Variants in LRFN2 observed in about 807,000 individuals in gnomAD.
LRFN2 encodes leucine-rich repeat and fibronectin type-III domain-containing protein 2.
Under a neutral mutation model 37.3 loss-of-function variants are expected in LRFN2, and 18 were observed. The ratio of observed to expected loss-of-function variants is 0.48; its 90% CI spans 0.33 to 0.72. LRFN2 has a LOEUF of 0.72. LRFN2 is among the 30% of genes least tolerant of loss of function. The pLI, the probability that LRFN2 is intolerant of heterozygous loss-of-function variation, is 0.02. For missense variants in LRFN2, 1,006 were observed against 1,060.7 expected (o/e 0.95, Z 0.72); for synonymous variants, 556 against 466.6 (o/e 1.19, Z -2.47).
intron 1 of LRFN2, 117 bp from the exon 2 acceptor site, chr6:40,433,248 G>A: frequency 1.3e-6 from 1 of 759,826 alleles, no homozygotes; most frequent in Non-Finnish European, 2.0e-6. Flanking sequence ...AATGGCAAGT[G>A]CTCAAGCAAG....
At chr6:40,444,264 A>AGGGAAAGAAGGGGGAAAAG (rs1404349602) in intron 1 of LRFN2, among the ~76,000 whole-genome samples, 11 of 152,230 alleles carry the variant, frequency 7.2e-5, no homozygotes, top group Non-Finnish European at 1.3e-4. Flanking sequence ...AAAACGAAGA[A>AGGGAAAGAAGGGGGAAAAG]GGGAAAGAAG....
chr6:40,410,913 A>G (rs530752521), intron 2 of LRFN2, among the ~76,000 whole-genome samples: 2 of 152,320 alleles, frequency 1.3e-5, no homozygotes, highest in African/African-American at 4.8e-5. Context: ...TAAAAGCAGC[A>G]GTGTAATTAT....
chr6:40,467,518 C>T (rs1025146605), intron 1 of LRFN2, among the ~76,000 whole-genome samples: 2 of 152,150 alleles, frequency 1.3e-5, no homozygotes, highest in African/African-American at 4.8e-5. Context: ...CTGAGGGACA[C>T]AGTTAGTGAC....
At chr6:40,566,435 G>A (rs1354942573) in intron 1 of LRFN2, among the ~76,000 whole-genome samples, 2 of 152,116 alleles carry the variant, frequency 1.3e-5, no homozygotes, top group Non-Finnish European at 2.9e-5. Context: ...ACATGCACAC[G>A]TATGTTTATT....
chr6:40,405,632 T>C (rs554073429), intron 2 of LRFN2, among the ~76,000 whole-genome samples: 34 of 152,218 alleles, frequency 2.2e-4, no homozygotes, highest in Non-Finnish European at 4.9e-4. Flanking sequence ...TCATGCAGGC[T>C]AGAAACTAGG....
At chr6:40,428,426 C>T (rs1410557418) in intron 2 of LRFN2, among the ~76,000 whole-genome samples, 1 of 152,214 alleles carries the variant, frequency 6.6e-6, no homozygotes, top group Non-Finnish European at 1.5e-5. Context: ...TATATACCTT[C>T]CTGTTAAAAT....
chr6:40,404,158 T>C (rs1278665254), intron 2 of LRFN2, among the ~76,000 whole-genome samples: 2 of 152,212 alleles, frequency 1.3e-5, no homozygotes, highest in Non-Finnish European at 2.9e-5. Context: ...ACTCCATTTT[T>C]CCCCAATGCA....
intron 1 of LRFN2, among the ~76,000 whole-genome samples, chr6:40,577,786 A>G (rs1299500016): frequency 1.9e-4 from 16 of 85,202 alleles, no homozygotes; most frequent in African/African-American, 7.3e-4. Context: ...AAAAAAAAGG[A>G]AAAAATAAAT....
chr6:40,398,991 G>C (rs994016348), intron 2 of LRFN2, among the ~76,000 whole-genome samples: 1 of 151,904 alleles, frequency 6.6e-6, no homozygotes, highest in African/African-American at 2.4e-5. Context: ...CATTTCCCAG[G>C]CTCCCTTGTC....
At chr6:40,534,090 A>T (rs1766404282) in intron 1 of LRFN2, among the ~76,000 whole-genome samples, 1 of 152,210 alleles carries the variant, frequency 6.6e-6, no homozygotes, top group Non-Finnish European at 1.5e-5. Flanking sequence ...ACAGGGACAC[A>T]GCTGGTCAGT....
intron 1 of LRFN2, among the ~76,000 whole-genome samples, chr6:40,571,876 G>A (rs964208360): frequency 2.6e-5 from 4 of 152,212 alleles, no homozygotes; most frequent in Non-Finnish European, 5.9e-5. Context: ...CTGTCTCCAT[G>A]GCACTTCTCA....
chr6:40,485,951 G>A (rs960029348), intron 1 of LRFN2, among the ~76,000 whole-genome samples: 2 of 152,192 alleles, frequency 1.3e-5, no homozygotes, highest in Non-Finnish European at 2.9e-5. Flanking sequence ...GTTACAACAG[G>A]GACAGCTGGA....
At chr6:40,442,234 G>T (rs929153866) in intron 1 of LRFN2, among the ~76,000 whole-genome samples, 5 of 152,320 alleles carry the variant, frequency 3.3e-5, no homozygotes, top group African/African-American at 1.2e-4. Flanking sequence ...ACGCAAAGTG[G>T]CAGATAATCC....
In LRFN2 at chr6:40,392,608, C is replaced by T; in HGVS notation, c.1705G>A (p.Ala569Thr). Residue 569 changes from alanine (A) to threonine (T), a missense_variant, in exon 3 of 3, where the codon GCA becomes ACA. This residue lies in a region of LRFN2 where 398 missense variants were observed against 327.6 expected (regional missense o/e 1.21). Coordinates refer to ENST00000338305, the MANE Select transcript of LRFN2 (RefSeq NM_020737.3). The surrounding 1 kb of genome is among the most constrained non-coding windows in gnomAD (Gnocchi z 4.7). ...GAGTACACATTGCTCACGGCCGCTG[C>T]CATCTTGCTGGGGGCCTCGTGGTTG... is the stretch of plus-strand genomic sequence containing the variant. ...VCNHEAPSKM[A>T]AAVSNVYSQT... is the part of the protein sequence containing the mutation. 6.2e-7 allele frequency: 1 copy of T among 1,610,066 alleles called. No individual in the cohort carries two copies. Among genetic ancestry groups the T allele is most frequent in the Non-Finnish European group, 8.5e-7 (1 of 1,179,942 alleles).
chr6:40,436,646 TCACCTTACCCAGGCCCCA>T (rs1763684303), intron 1 of LRFN2, among the ~76,000 whole-genome samples: 1 of 152,148 alleles, frequency 6.6e-6, no homozygotes, highest in Non-Finnish European at 1.5e-5. Flanking sequence ...TAGACCAGCT[TCACCTTACCCAGGCCCCA>T]CCAGGTCACA....
intron 2 of LRFN2, among the ~76,000 whole-genome samples, chr6:40,417,262 G>A (rs1034822476): frequency 4.6e-5 from 7 of 152,122 alleles, no homozygotes; most frequent in Non-Finnish European, 7.4e-5. Flanking sequence ...GTTCAGTGCC[G>A]GCTGCCGCTG....
At chr6:40,491,062 G>GT (rs1256746902) in intron 1 of LRFN2, among the ~76,000 whole-genome samples, 2 of 152,224 alleles carry the variant, frequency 1.3e-5, no homozygotes, top group African/African-American at 4.8e-5. Context: ...AGCCATGGCG[G>GT]TGGAGATGGC....
intron 2 of LRFN2, among the ~76,000 whole-genome samples, chr6:40,417,252 G>A (rs939384873): frequency 2.0e-5 from 3 of 152,220 alleles, no homozygotes; most frequent in Non-Finnish European, 4.4e-5. Context: ...AATATCTGGT[G>A]TTCAGTGCCG....
intron 1 of LRFN2, among the ~76,000 whole-genome samples, chr6:40,493,076 CAT>C (rs1177040966): frequency 6.6e-6 from 1 of 152,088 alleles, no homozygotes; most frequent in African/African-American, 2.4e-5. Flanking sequence ...GAGACTATGA[CAT>C]ATGAAAGAGC....
Sources: gnomAD v4.1 joint callset for allele counts (sites outside exome capture counted in the v4.1 genomes callset) on GRCh38, gnomAD v4.1.1 for gene constraint, gnomAD v4.1.1 regional missense constraint, Gnocchi (gnomAD v3.1) non-coding constraint, MANE v1.5 for transcripts, NCBI Gene and HGNC (gene_info 2026-07-23, HGNC 2026-07-21) for gene names.